The following COL6A3 variants were observed in gnomAD, a reference collection of about 807,000 sequenced individuals.
COL6A3 encodes the protein collagen alpha-3(VI) chain.
A neutral mutation model predicts 274.1 loss-of-function variants in COL6A3; 137 were observed. The ratio of observed to expected loss-of-function variants is 0.50; its 90% CI spans 0.44 to 0.58. The LOEUF is 0.58. Ranked by LOEUF, COL6A3 falls within the 20% of genes least tolerant of loss-of-function variation. The pLI, the probability that COL6A3 is intolerant of heterozygous loss-of-function variation, is 0.00. For synonymous variants in COL6A3, 1,650 were observed against 1,650.6 expected (o/e 1.00, Z 0.01); for missense variants, 3,950 against 4,124.9 (o/e 0.96, Z 1.16).
chr2:237,346,201 C>T (rs1313297785), intron 32 of COL6A3, among the ~76,000 whole-genome samples: 4 of 152,192 alleles, frequency 2.6e-5, no homozygotes, highest in Admixed American at 2.6e-4. Flanking sequence ...TAGATTTCCC[C>T]TCTTTGGTTT....
Position 237,361,244 on chromosome 2 carries a change from G to A in COL6A3, c.6157-70C>T, listed in dbSNP as rs2077430759. ...TTTGCTCTACAGTAAGAATCCCTGT[G>A]GTCCCCCTTCATTTGGCAGAGCAGC... On this transcript the variant is annotated intron_variant, in intron 15 of 43. Transcript: ENST00000295550. The surrounding 1 kb of genome is among the most constrained non-coding windows in gnomAD (Gnocchi z 5.1). 1.4e-6 allele frequency: 2 copies of A among 1,421,158 alleles called. No homozygotes were observed. Among genetic ancestry groups the A allele is most frequent in the African/African-American group, 2.8e-5 (2 of 70,874 alleles). 88.0% of individuals were successfully genotyped at this position (1,421,158 alleles called of 1,614,324 possible).
chr2:237,353,239 A>G (rs2077245184), intron 25 of COL6A3, 102 bp downstream of exon 25: 4 of 1,134,118 alleles, frequency 3.5e-6, no homozygotes, highest in Non-Finnish European at 5.2e-6. Context: ...TGGATTGTTC[A>G]CTTTAAAATG....
Position 237,342,131 on chromosome 2 carries a change from C to T in COL6A3, c.7699G>A (p.Val2567Ile), listed in dbSNP as rs1559203170. The T allele has an allele frequency of 6.2e-7, 1 of 1,614,222 alleles. No homozygotes were observed. Among genetic ancestry groups the T allele is most frequent in the Middle Eastern group, 1.6e-4 (1 of 6,062 alleles). ...GTGAGGTCTCTCCCTGCAGGCAGGA[C>T]AAGCGCATGCCCCACTGCTGTGTTA... ...INNTAVGHAL[V>I]LPAGRDLTDF... The change falls in exon 37 of 44, where the codon GTC (valine) becomes ATC (isoleucine). Residue 2567 changes from valine (V) to isoleucine (I), a missense_variant. Coordinates refer to ENST00000295550, the MANE Select transcript of COL6A3 (RefSeq NM_004369.4).
Position 237,394,820 on chromosome 2 carries a change from G to A in COL6A3, c.476C>T (p.Ala159Val). The A allele has an allele frequency of 6.2e-7, 1 of 1,614,156 alleles. No individual in the cohort carries two copies. Among genetic ancestry groups the A allele is most frequent in the Non-Finnish European group, 8.5e-7 (1 of 1,180,028 alleles). ...LTDGHSKDGL[A>V]LPSAELKSAD... ...AGACTTAAGTTCCGCTGAGGGCAGA[G>A]CAAGGCCATCCTTCGAGTGTCCATC... is the stretch of plus-strand genomic sequence containing the variant. The change falls in exon 3 of 44, where the codon GCT (alanine) becomes GTT (valine). Residue 159 changes from alanine to valine, a missense_variant. Transcript: ENST00000295550.
In COL6A3 at chr2:237,334,843, G is replaced by T; in HGVS notation, c.9012C>A (p.Ser3004Arg). 6.2e-7 allele frequency: 1 copy of T among 1,614,132 alleles called. No homozygotes were observed. The highest frequency in any genetic ancestry group is 8.5e-7 in the Non-Finnish European group (1 of 1,180,006). Residue 3004 changes from serine (S) to arginine (R), a missense_variant, in exon 41 of 44, where the codon AGC becomes AGA. Ser to Arg is a moderately radical substitution (Grantham distance 110). Coordinates refer to ENST00000295550, the MANE Select transcript of COL6A3 (RefSeq NM_004369.4). ...CAGCCCTCTCCCAGTGGAGTTTGGC[G>T]CTGTTCTCTGTTATCTCAAACACCT... The part of the protein sequence containing the change: ...EVQVFEITEN[S>R]AKLHWERAEP...
chr2:237,383,699 G>A (rs1304513201), intron 4 of COL6A3, among the ~76,000 whole-genome samples: 12 of 152,006 alleles, frequency 7.9e-5, no homozygotes, highest in Non-Finnish European at 1.6e-4. Flanking sequence ...ATACCAAGTG[G>A]CCCAGATTGT....
intron 3 of COL6A3, among the ~76,000 whole-genome samples, chr2:237,390,307 A>C (rs1307016989): frequency 6.6e-6 from 1 of 152,246 alleles, no homozygotes; most frequent in Non-Finnish European, 1.5e-5. Flanking sequence ...TAAAAGACTG[A>C]ACATCTACAG....
chr2:237,355,525 A>G (rs527911076), intron 23 of COL6A3: 1 of 152,410 alleles, frequency 6.6e-6, no homozygotes, highest in South Asian at 2.1e-4. Context: ...TAGTTCAAAC[A>G]TGTGGGCTTA....
At chr2:237,395,343 TAG>T in intron 2 of COL6A3, 139 bp from the exon 3 acceptor site, 1 of 894,788 alleles carries the variant, frequency 1.1e-6, no homozygotes, top group South Asian at 1.6e-5. Flanking sequence ...TACAGGAAGG[TAG>T]ACTCACTTAC....
chr2:237,372,219 A>G lies in COL6A3; in HGVS notation c.3798T>C (p.Phe1266=). Residue 1266 remains phenylalanine (F), a synonymous_variant, in exon 9 of 44, where the codon TTT becomes TTC. Transcript: ENST00000295550. Reference sequence around the variant, plus strand: ...GGATGACAGCCACCCGGGTGGTGTCAAAGCCCACGTCCAGGTAGTCAACCA... The same window carrying G: ...GGATGACAGCCACCCGGGTGGTGTCGAAGCCCACGTCCAGGTAGTCAACCA... ...ERLVDYLDVG[F]DTTRVAVIQF... The G allele has an allele frequency of 6.2e-7, 1 of 1,614,100 alleles. No individual in the cohort carries two copies. Among genetic ancestry groups the G allele is most frequent in the African/African-American group, 1.3e-5 (1 of 75,058 alleles).
Position 237,381,244 on chromosome 2 carries a change from A to G in COL6A3, c.1568T>C (p.Leu523Pro). The stretch of plus-strand genomic sequence containing the variant: ...AAAGTCTAGAGCAGAGCCCGTGTAC[A>G]GGGCCGAGCCGTCCAGGGGCTTCAT... ...RKMKPLDGSA[L>P]YTGSALDFVR... is the part of the protein sequence containing the mutation. Residue 523 changes from leucine (L) to proline (P), a missense_variant, in exon 5 of 44, where the codon CTG becomes CCG. Physicochemically the swap from Leu to Pro is moderately conservative, Grantham distance 98. This residue lies in a region of COL6A3 where 1,934 missense variants were observed against 1,984.3 expected (regional missense o/e 0.97). Transcript: ENST00000295550. 2 of 1,614,268 alleles carry G rather than the reference A, an allele frequency of 1.2e-6. No homozygotes were observed. Among genetic ancestry groups the G allele is most frequent in the Non-Finnish European group, 8.5e-7 (1 of 1,180,046 alleles).
chr2:237,349,407 A>AT (rs1272387616), intron 28 of COL6A3, among the ~76,000 whole-genome samples: 3 of 152,228 alleles, frequency 2.0e-5, no homozygotes, highest in African/African-American at 4.8e-5. Context: ...TTGAAGTCTG[A>AT]TTTTTTCCCT....
At chr2:237,350,885 G>A (rs1420149038) in intron 27 of COL6A3, among the ~76,000 whole-genome samples, 2 of 152,258 alleles carry the variant, frequency 1.3e-5, no homozygotes, top group African/African-American at 2.4e-5. Context: ...ATGGAGGGCT[G>A]TGGCCAGGAG....
intron 24 of COL6A3, among the ~76,000 whole-genome samples, chr2:237,354,238 G>A (rs949309635): frequency 3.3e-5 from 5 of 151,702 alleles, no homozygotes; most frequent in Non-Finnish European, 2.9e-5. Context: ...GGCTAGTCTC[G>A]AACTCCCAAC....
At chr2:237,378,501 T>C (rs2077908820) in intron 6 of COL6A3, 135 bp downstream of exon 6, 1 of 1,326,144 alleles carries the variant, frequency 7.5e-7, no homozygotes. Flanking sequence ...CAAGTCCCCA[T>C]TCAAACTATT....
At position 237,381,418 on chromosome 2, in the gene COL6A3, C is replaced by T. The variant is rs781231935; in HGVS notation, c.1394G>A (p.Arg465Gln). The change falls in exon 5 of 44, where the codon CGA becomes CAA. Residue 465 changes from arginine to glutamine, a missense_variant. By Grantham distance (43) the Arg-to-Gln change is conservative. Coordinates refer to ENST00000295550, the MANE Select transcript of COL6A3 (RefSeq NM_004369.4). ...ALGLANFNAI[R>Q]DFIAKVIQRL... ...CTGGATGACTTTAGCAATGAAGTCT[C>T]GGATGGCATTGAAGTTGGCCAGTCC... is the stretch of plus-strand genomic sequence containing the variant. The T allele has an allele frequency of 5.0e-6, 8 of 1,613,248 alleles. No homozygotes were observed. The highest frequency in any genetic ancestry group is 4.5e-5 in the East Asian group (2 of 44,880).
chr2:237,342,181 A>C lies in COL6A3; in HGVS notation c.7669-20T>G. On this transcript the variant is annotated intron_variant, in intron 36 of 43. Transcript: ENST00000295550. Reference sequence around the variant, plus strand: ...ATTGATCTGGTTTAAACAAAAGAACAATTTTGGTAGGGGCGTACATGATCA... The same window carrying C: ...ATTGATCTGGTTTAAACAAAAGAACCATTTTGGTAGGGGCGTACATGATCA... 2 of 1,605,980 alleles carry C rather than the reference A, an allele frequency of 1.2e-6. No homozygotes were observed. Among genetic ancestry groups the C allele is most frequent in the Non-Finnish European group, 1.7e-6 (2 of 1,172,968 alleles).
rs748924344 is a variant in COL6A3 at position 237,374,793 on chromosome 2, G to T, written c.3298C>A (p.Leu1100Met). 6.2e-7 allele frequency: 1 copy of T among 1,614,092 alleles called. No homozygotes were observed. Among genetic ancestry groups the T allele is most frequent in the Non-Finnish European group, 8.5e-7 (1 of 1,180,020 alleles). The change falls in exon 8 of 44, where the codon CTG becomes ATG. Residue 1100 changes from leucine (L) to methionine (M), a missense_variant. Coordinates refer to ENST00000295550, the MANE Select transcript of COL6A3 (RefSeq NM_004369.4). This position sits in a 1 kb window ranked among gnomAD's most constrained non-coding sequence, Gnocchi z 4.8. ...DVVNAVRQLT[L>M]LGGPTPNTGA... is the part of the protein sequence containing the mutation. Reference sequence around the variant, plus strand: ...GTGTTGGGGGTCGGCCCTCCCAGCAGGGTCAGCTGGCGGACAGCGTTGACG... The same window carrying T: ...GTGTTGGGGGTCGGCCCTCCCAGCATGGTCAGCTGGCGGACAGCGTTGACG...
rs35524572 is a variant in COL6A3 at position 237,371,927 on chromosome 2, C to T, written c.4090G>A (p.Val1364Met). ...DPAVELKQFG[V>M]APFTIARNAD... ...TTCCTGGCGATCGTGAAAGGGGCCA[C>T]GCCAAACTGCTTGAGCTCCACCGCC... The change falls in exon 9 of 44, where the codon GTG becomes ATG. Residue 1364 changes from valine to methionine, a missense_variant. Val to Met is a conservative substitution (Grantham distance 21). Coordinates refer to ENST00000295550, the MANE Select transcript of COL6A3 (RefSeq NM_004369.4). This position sits in a 1 kb window ranked among gnomAD's most constrained non-coding sequence, Gnocchi z 4.3. The T allele has an allele frequency of 2.1e-4, 342 of 1,614,040 alleles. 2 individuals are homozygous for T. In the African/African-American group the frequency reaches 3.8e-3, roughly 18 times the overall value.
Sources: gnomAD v4.1 joint callset for allele counts (sites outside exome capture counted in the v4.1 genomes callset) on GRCh38, gnomAD v4.1.1 for gene constraint, gnomAD v4.1.1 regional missense constraint, Gnocchi (gnomAD v3.1) non-coding constraint, MANE v1.5 for transcripts, NCBI Gene and HGNC (gene_info 2026-07-23, HGNC 2026-07-21) for gene names.